The following VANGL1 variants were observed in gnomAD, a reference collection of about 807,000 sequenced individuals.
The protein encoded by VANGL1 is vang-like protein 1.
Under a neutral mutation model 48.4 loss-of-function variants are expected in VANGL1, and 18 were observed. The ratio of observed to expected loss-of-function variants is 0.37; its 90% confidence interval spans 0.26 to 0.55. The LOEUF (loss-of-function observed/expected upper bound fraction) is 0.55, where lower values mean the gene tolerates loss of function less well. VANGL1 is among the 20% of genes least tolerant of loss of function. The probability of loss-of-function intolerance (pLI) is 0.81; values close to 1 mark genes in which losing one functional copy is unlikely to be tolerated. For missense variants in VANGL1, 667 were observed against 675.8 expected (o/e 0.99, Z 0.14); for synonymous variants, 257 against 261.8 (o/e 0.98, Z 0.18).
chr1:115,657,980 A>G (rs1238151829), intron 2 of VANGL1, among the ~76,000 whole-genome samples: 2 of 152,236 alleles, frequency 1.3e-5, no homozygotes, highest in Non-Finnish European at 2.9e-5. Flanking sequence ...TCGTGAAGAT[A>G]GCACCAAGCC....
chr1:115,655,797 C>A (rs887253526), intron 2 of VANGL1, among the ~76,000 whole-genome samples: 2 of 152,116 alleles, frequency 1.3e-5, no homozygotes, highest in Admixed American at 1.3e-4. Flanking sequence ...CATAGGTTTT[C>A]CCTGGAGTTG....
chr1:115,691,015 T>C (rs1052485799), intron 7 of VANGL1, 104 bp from the exon 8 acceptor site: 1 of 1,534,650 alleles, frequency 6.5e-7, no homozygotes. Context: ...AGCTGGTTTA[T>C]TTGGAAAAAG....
intron 4 of VANGL1, among the ~76,000 whole-genome samples, chr1:115,680,387 C>G (rs10923169): frequency 0.65 from 98,208 of 152,062 alleles, 32,029 homozygotes; most frequent in South Asian, 0.75. Context: ...GGTCTATCTT[C>G]ATATTCCCAG....
intron 4 of VANGL1, among the ~76,000 whole-genome samples, chr1:115,672,821 G>A (rs920504195): frequency 1.3e-5 from 2 of 152,162 alleles, no homozygotes; most frequent in Non-Finnish European, 2.9e-5. Context: ...GGCGTTCAGC[G>A]TCCAGGGGCT....
rs1653565197 is a variant in VANGL1 at position 115,685,390 on chromosome 1, G to A, written c.1177G>A (p.Ala393Thr). The change falls in exon 7 of 8, where the codon GCC becomes ACC. Residue 393 changes from alanine to threonine, a missense_variant. Coordinates refer to ENST00000355485, the MANE Select transcript of VANGL1 (RefSeq NM_138959.3). ...AGGGGAGGTGATGGACCCTAGGGAG[G>A]CCGCCCAGGCCATTTTCCCCTCCAT... ...APGEVMDPRE[A>T]AQAIFPSMAR... 1.2e-6 allele frequency: 2 copies of A among 1,614,158 alleles called. No homozygotes were observed.
At chr1:115,655,005 G>A (rs915042980) in intron 2 of VANGL1, among the ~76,000 whole-genome samples, 6 of 152,196 alleles carry the variant, frequency 3.9e-5, no homozygotes, top group African/African-American at 1.4e-4. Context: ...GGGAAACGAA[G>A]GGTGACTCAT....
chr1:115,647,033 C>T (rs1378767903), intron 1 of VANGL1, among the ~76,000 whole-genome samples: 1 of 152,204 alleles, frequency 6.6e-6, no homozygotes, highest in African/African-American at 2.4e-5. Context: ...GGAGCTAGAG[C>T]GTCGGGCAGG....
chr1:115,661,895 G>A (rs1317834805), intron 3 of VANGL1, among the ~76,000 whole-genome samples: 1 of 152,214 alleles, frequency 6.6e-6, no homozygotes, highest in Non-Finnish European at 1.5e-5. Flanking sequence ...TAGGATTACA[G>A]GCGTGAGCCA....
At chr1:115,666,587 A>T (rs1557768617) in intron 4 of VANGL1, among the ~76,000 whole-genome samples, 1 of 152,172 alleles carries the variant, frequency 6.6e-6, no homozygotes. Context: ...AAAAAACTCA[A>T]GTCAGTCACC....
intron 4 of VANGL1, among the ~76,000 whole-genome samples, chr1:115,675,330 G>A (rs12086707): frequency 0.02 from 3,069 of 152,132 alleles, 119 homozygotes; most frequent in African/African-American, 0.07. Flanking sequence ...GTGAAACCCC[G>A]TCTCTACTAA....
At chr1:115,662,654 TAGAA>T (rs1056946759) in intron 3 of VANGL1, among the ~76,000 whole-genome samples, 6 of 152,224 alleles carry the variant, frequency 3.9e-5, no homozygotes, top group Non-Finnish European at 7.3e-5. Flanking sequence ...AAACATGTTT[TAGAA>T]AGAATTTTTA....
chr1:115,691,448 A>G lies in VANGL1; in HGVS notation c.*69A>G. On this transcript the variant is annotated 3_prime_UTR_variant, in exon 8 of 8. Coordinates refer to ENST00000355485, the MANE Select transcript of VANGL1 (RefSeq NM_138959.3). ...ATAGAGAGATATATATCTATGCCAG[A>G]GGGGTGTCTTTTTTAAAAATTCTTC... 6.7e-7 allele frequency: 1 copy of G among 1,498,746 alleles called. No homozygotes were observed. The highest frequency in any genetic ancestry group is 2.5e-5 in the East Asian group (1 of 40,714). 92.8% of individuals were successfully genotyped at this position (1,498,746 alleles called of 1,614,324 possible).
chr1:115,645,721 C>A (rs1343057945), intron 1 of VANGL1, among the ~76,000 whole-genome samples: 1 of 152,160 alleles, frequency 6.6e-6, no homozygotes, highest in Non-Finnish European at 1.5e-5. Context: ...AGCTTCAAGA[C>A]ATAATATAAA....
At chr1:115,657,961 C>A (rs187379954) in intron 2 of VANGL1, among the ~76,000 whole-genome samples, 154 of 152,300 alleles carry the variant, frequency 1.0e-3, no homozygotes, top group African/African-American at 3.2e-3. Context: ...CCCAAGAACT[C>A]ACTCACTATC....
In VANGL1 at chr1:115,692,741, C is replaced by T. The variant is rs1049887638; in HGVS notation, c.*1362C>T. On this transcript the variant is annotated 3_prime_UTR_variant, in exon 8 of 8. Transcript: ENST00000355485. ...GCAGAGGAGCCATCCTGGCGGAGCC[C>T]TGCTGCAGGGGAGCTCCTTCAGGAG... The T allele has an allele frequency of 6.6e-6, 1 of 152,516 alleles. No individual in the cohort carries two copies. Among genetic ancestry groups the T allele is most frequent in the East Asian group, 1.9e-4 (1 of 5,190 alleles). The allele number at this position is 152,516 out of a possible 1,614,324, so 9.4% of individuals were successfully genotyped here. A position where few individuals can be genotyped will look rare whatever the true frequency, so the allele number is the denominator to read the frequency against.
At position 115,664,215 on chromosome 1, in the gene VANGL1, G is replaced by C. The variant is rs555914402; in HGVS notation, c.759G>C (p.Gln253His). 6.2e-6 allele frequency: 10 copies of C among 1,614,126 alleles called. No homozygotes were observed. In the East Asian group the frequency reaches 2.2e-4, roughly 36 times the overall value. ...LRQLQPMFTL[Q>H]VVRSTDGESR... Reference sequence around the variant, plus strand: ...AGCTGCAGCCCATGTTCACGCTGCAGGTGGTCCGCTCCACCGATGGCGAGT... The same window carrying C: ...AGCTGCAGCCCATGTTCACGCTGCACGTGGTCCGCTCCACCGATGGCGAGT... Residue 253 changes from glutamine (Q) to histidine (H), a missense_variant, in exon 4 of 8, where the codon CAG becomes CAC. By Grantham distance (24) the Gln-to-His change is conservative (BLOSUM62 0). Transcript: ENST00000355485.
chr1:115,652,194 C>T (rs765819922), intron 2 of VANGL1, among the ~76,000 whole-genome samples: 2 of 152,170 alleles, frequency 1.3e-5, no homozygotes, highest in African/African-American at 2.4e-5. Context: ...TTCTTTTTGA[C>T]TAATCTTCAG....
rs1266150049 is a variant in VANGL1, at chr1:115,664,134, T to C, written c.678T>C (p.Leu226=). 1.2e-6 allele frequency: 2 copies of C among 1,614,048 alleles called. No individual in the cohort carries two copies. The highest frequency in any genetic ancestry group is 1.7e-6 in the Non-Finnish European group (2 of 1,180,024). Residue 226 remains leucine (L), a synonymous_variant, in exon 4 of 8, where the codon CTT becomes CTC. Transcript: ENST00000355485. ...YQGIVQYAVS[L]VDALLFIHYL... ...GCATTGTGCAATATGCAGTCTCCCT[T>C]GTGGATGCCCTCCTCTTCATCCATT... is the stretch of plus-strand genomic sequence containing the variant.
intron 2 of VANGL1, among the ~76,000 whole-genome samples, chr1:115,657,557 G>T (rs1652395361): frequency 6.7e-6 from 1 of 150,022 alleles, no homozygotes; most frequent in African/African-American, 2.5e-5. Flanking sequence ...TAGGATGTGA[G>T]GTAATTGGCA....
Sources: gnomAD v4.1 joint callset for allele counts (sites outside exome capture counted in the v4.1 genomes callset) on GRCh38, gnomAD v4.1.1 for gene constraint, MANE v1.5 for transcripts, NCBI Gene and HGNC (gene_info 2026-07-23, HGNC 2026-07-21) for gene names.